ESRRG: variants seen among roughly 807,000 people sequenced by gnomAD.
The protein encoded by ESRRG is estrogen related receptor gamma, also known as estrogen-related receptor gamma.
ESRRG carries 13 observed loss-of-function variants against 44.0 expected under a neutral mutation model. The ratio of observed to expected loss-of-function variants is 0.30; its 90% CI spans 0.19 to 0.47. The LOEUF (loss-of-function observed/expected upper bound fraction) is 0.47. Ranked by LOEUF, ESRRG falls within the 20% of genes least tolerant of loss-of-function variation. The pLI is 1.00. For synonymous variants in ESRRG, 215 were observed against 214.6 expected (o/e 1.00, Z -0.02); for missense variants, 395 against 580.6 (o/e 0.68, Z 3.29).
intron 2 of ESRRG, among the ~76,000 whole-genome samples, chr1:216,824,703 G>A (rs1289568960): frequency 6.6e-6 from 1 of 152,120 alleles, no homozygotes; most frequent in Non-Finnish European, 1.5e-5. Flanking sequence ...ATGATTAACT[G>A]TGAGTCATCC....
At chr1:216,707,868 C>T (rs1032117821) in intron 1 of ESRRG, among the ~76,000 whole-genome samples, 1 of 152,148 alleles carries the variant, frequency 6.6e-6, no homozygotes, top group Non-Finnish European at 1.5e-5. Flanking sequence ...ATATGGAATA[C>T]ACTTCAAAAT....
intron 2 of ESRRG, among the ~76,000 whole-genome samples, chr1:216,912,107 G>GAAGAAAAGAAAAGAAAAGAA (rs763291110): frequency 1.2e-4 from 9 of 74,378 alleles, no homozygotes; most frequent in South Asian, 4.7e-4. Context: ...TGTAAAAAAA[G>GAAGAAAAGAAAAGAAAAGAA]AAGAAAAGAA....
intron 2 of ESRRG, among the ~76,000 whole-genome samples, chr1:216,761,289 A>G (rs541277496): frequency 2.6e-5 from 4 of 152,082 alleles, no homozygotes; most frequent in Non-Finnish European, 5.9e-5. Context: ...GTCAGCTCTG[A>G]GTAAAATGAT....
At chr1:216,766,402 G>T (rs2093077976) in intron 2 of ESRRG, among the ~76,000 whole-genome samples, 1 of 151,926 alleles carries the variant, frequency 6.6e-6, no homozygotes, top group African/African-American at 2.4e-5. Flanking sequence ...ACTTTTCCTT[G>T]ATTCTTACTG....
chr1:216,719,785 G>A (rs1054995216), intron 1 of ESRRG, among the ~76,000 whole-genome samples: 1 of 151,886 alleles, frequency 6.6e-6, no homozygotes, highest in Non-Finnish European at 1.5e-5. Context: ...TAATAACATG[G>A]GTTAATTACC....
intron 1 of ESRRG, among the ~76,000 whole-genome samples, chr1:216,715,585 A>G (rs2084680296): frequency 6.6e-6 from 1 of 152,074 alleles, no homozygotes; most frequent in Admixed American, 6.6e-5. Flanking sequence ...CAATTGAACA[A>G]CCTCACAGTT....
At chr1:216,792,522 C>T (rs911216426) in intron 2 of ESRRG, among the ~76,000 whole-genome samples, 3 of 152,104 alleles carry the variant, frequency 2.0e-5, no homozygotes, top group African/African-American at 7.2e-5. Flanking sequence ...TCAAATCTGC[C>T]TAGGCATTGT....
intron 2 of ESRRG, among the ~76,000 whole-genome samples, chr1:216,787,877 G>A (rs981768266): frequency 4.0e-5 from 6 of 151,810 alleles, no homozygotes; most frequent in African/African-American, 1.5e-4. Flanking sequence ...TTGCTCACAT[G>A]GAGAAAGTTT....
intron 2 of ESRRG, among the ~76,000 whole-genome samples, chr1:216,820,647 G>C (rs572187430): frequency 5.3e-5 from 8 of 152,288 alleles, no homozygotes; most frequent in African/African-American, 7.2e-5. Context: ...GCTGCTCTGA[G>C]ATTCTTTGCT....
chr1:216,728,868 T>G (rs1353985873), intron 2 of ESRRG, among the ~76,000 whole-genome samples: 1 of 152,132 alleles, frequency 6.6e-6, no homozygotes, highest in Non-Finnish European at 1.5e-5. Context: ...CTTTTTCTGA[T>G]GTTTGAACTC....
At chr1:217,112,019 A>G (rs2092667243) in intron 1 of ESRRG, among the ~76,000 whole-genome samples, 1 of 152,144 alleles carries the variant, frequency 6.6e-6, no homozygotes, top group African/African-American at 2.4e-5. Flanking sequence ...TCAGGTTGAT[A>G]GCCCCACCTG....
intron 2 of ESRRG, among the ~76,000 whole-genome samples, chr1:216,754,018 A>G (rs748709088): frequency 3.3e-5 from 5 of 152,048 alleles, no homozygotes; most frequent in African/African-American, 4.8e-5. Flanking sequence ...TTATCCTACC[A>G]TTGCTGCTCT....
chr1:217,063,240 A>G (rs11572397), intron 1 of ESRRG, among the ~76,000 whole-genome samples: 2,865 of 152,312 alleles, frequency 0.019, 37 homozygotes, highest in African/African-American at 0.036. Context: ...AGCTGACTCT[A>G]AAAAGCATTT....
intron 2 of ESRRG, among the ~76,000 whole-genome samples, chr1:216,794,811 A>T (rs1393568982): frequency 6.6e-6 from 1 of 152,200 alleles, no homozygotes; most frequent in African/African-American, 2.4e-5. Context: ...ACAGCCTTTC[A>T]CTGGGAAATA....
chr1:216,762,740 T>A (rs2092860210), intron 2 of ESRRG, among the ~76,000 whole-genome samples: 1 of 148,134 alleles, frequency 6.8e-6, no homozygotes. Flanking sequence ...ATAAAAAGAA[T>A]GAGCACCCTG....
chr1:217,060,437 C>A (rs1005694079), intron 1 of ESRRG, among the ~76,000 whole-genome samples: 1 of 151,958 alleles, frequency 6.6e-6, no homozygotes, highest in African/African-American at 2.4e-5. Context: ...CCAGCAACTC[C>A]CCCTTTCCTC....
At chr1:217,059,072 T>A (rs1199589160) in intron 1 of ESRRG, among the ~76,000 whole-genome samples, 6 of 149,114 alleles carry the variant, frequency 4.0e-5, no homozygotes, top group Admixed American at 6.7e-5. Flanking sequence ...TATAATAATA[T>A]ACTATATATC....
At chr1:216,722,160 A>C (rs2086481721) in intron 1 of ESRRG, among the ~76,000 whole-genome samples, 2 of 152,234 alleles carry the variant, frequency 1.3e-5, no homozygotes, top group Admixed American at 6.5e-5. Flanking sequence ...CTCATCTTCT[A>C]GAGTTTGATA....
At chr1:216,881,368 G>A (rs1373626235) in intron 2 of ESRRG, among the ~76,000 whole-genome samples, 2 of 152,086 alleles carry the variant, frequency 1.3e-5, no homozygotes, top group African/African-American at 4.8e-5. Flanking sequence ...AATAACAATG[G>A]AAAGTCATTT....
Sources: gnomAD v4.1 joint callset for allele counts (sites outside exome capture counted in the v4.1 genomes callset) on GRCh38, gnomAD v4.1.1 for gene constraint, MANE v1.5 for transcripts, NCBI Gene and HGNC (gene_info 2026-07-23, HGNC 2026-07-21) for gene names.